PLCG2: variants seen among roughly 807,000 people sequenced by gnomAD.
The protein encoded by PLCG2 is 1-phosphatidylinositol 4,5-bisphosphate phosphodiesterase gamma-2.
Under a neutral mutation model 175.6 loss-of-function variants are expected in PLCG2, and 69 were observed. The ratio of observed to expected loss-of-function variants is 0.39; its 90% confidence interval spans 0.32 to 0.48. PLCG2 has a LOEUF of 0.48. PLCG2 is among the 20% of genes least tolerant of loss of function. The pLI, the probability that PLCG2 is intolerant of heterozygous loss-of-function variation, is 0.91. For synonymous variants in PLCG2, 827 were observed against 624.0 expected (o/e 1.33, Z -4.85); for missense variants, 1,798 against 1,650.9 (o/e 1.09, Z -1.54).
chr16:81,746,763 C>T (rs940385881), intron 1 of PLCG2, among the ~76,000 whole-genome samples: 7 of 152,174 alleles, frequency 4.6e-5, no homozygotes, highest in Non-Finnish European at 7.3e-5. Flanking sequence ...GGCTTGATAA[C>T]GTCAATCAGG....
intron 25 of PLCG2, among the ~76,000 whole-genome samples, chr16:81,932,787 G>T (rs1760069939): frequency 6.6e-6 from 1 of 152,186 alleles, no homozygotes; most frequent in Admixed American, 6.5e-5. Flanking sequence ...GAACTCCTGG[G>T]GGCCTTCCCT....
chr16:81,847,185 T>G lies in PLCG2; in HGVS notation c.194-7259T>G, dbSNP rs1597352120. On this transcript the variant is annotated intron_variant, in intron 2 of 32. Coordinates refer to ENST00000564138, the MANE Select transcript of PLCG2 (RefSeq NM_002661.5). The stretch of plus-strand genomic sequence containing the variant: ...TAAGGGAAACATGTATACCAGTTTA[T>G]TAAAATGATATTACAAAAGATAAAG... Among the ~76,000 whole-genome samples, 2 of 152,318 alleles carry G rather than the reference T, an allele frequency of 1.3e-5. 1 individual carries two copies. Among genetic ancestry groups the G allele is most frequent in the South Asian group, 4.1e-4 (2 of 4,826 alleles).
intron 18 of PLCG2, among the ~76,000 whole-genome samples, 185 bp downstream of exon 18, chr16:81,910,905 C>G (rs567161977): frequency 6.6e-6 from 1 of 152,352 alleles, no homozygotes; most frequent in African/African-American, 2.4e-5. Context: ...GTGTCCTTTT[C>G]TCTTTTCTTT....
At chr16:81,943,824 A>G (rs1911048957) in intron 30 of PLCG2, among the ~76,000 whole-genome samples, 1 of 152,236 alleles carries the variant, frequency 6.6e-6, no homozygotes, top group Non-Finnish European at 1.5e-5. Flanking sequence ...AGTATATTCA[A>G]TGAGAGCAAT....
intron 7 of PLCG2, among the ~76,000 whole-genome samples, chr16:81,875,150 A>G (rs974232984): frequency 6.6e-5 from 10 of 151,238 alleles, no homozygotes; most frequent in South Asian, 4.2e-4. Flanking sequence ...TTTTAATTGA[A>G]ACGGGGTTTC....
chr16:81,771,972 G>A (rs556613694), intron 2 of PLCG2, among the ~76,000 whole-genome samples: 5 of 152,110 alleles, frequency 3.3e-5, no homozygotes, highest in Middle Eastern at 3.4e-3. Context: ...TAGTAGAGAC[G>A]GGGTTTCACC....
intron 1 of PLCG2, among the ~76,000 whole-genome samples, chr16:81,743,129 T>C (rs1909630759): frequency 6.6e-6 from 1 of 152,106 alleles, no homozygotes; most frequent in South Asian, 2.1e-4. Flanking sequence ...AGTGAGTCTC[T>C]GTCTCTACTA....
chr16:81,878,681 T>G (rs1597369310), intron 7 of PLCG2, among the ~76,000 whole-genome samples: 1 of 152,178 alleles, frequency 6.6e-6, no homozygotes, highest in South Asian at 2.1e-4. Flanking sequence ...CACCTCCATG[T>G]GTTGCGAATC....
At chr16:81,894,542 C>G (rs905497023) in intron 12 of PLCG2, among the ~76,000 whole-genome samples, 1 of 152,162 alleles carries the variant, frequency 6.6e-6, no homozygotes, top group Non-Finnish European at 1.5e-5. Context: ...TCCGGCCTCT[C>G]TCTCACCAAA....
At position 81,867,816 on chromosome 16, in the gene PLCG2, G is replaced by C. The variant is rs1907318207; in HGVS notation, c.480-1398G>C. 1.3e-5 allele frequency among the ~76,000 whole-genome samples: 2 copies of C among 152,074 alleles called. 1 individual carries two copies. Among genetic ancestry groups the C allele is most frequent in the African/African-American group, 4.8e-5 (2 of 41,426 alleles). ...GAATTCACGCCATTCTTCTGCCTCAGCCTCCTGAGTAGCTGGGACTACAGG... is the reference window on the plus strand; with the variant it reads ...GAATTCACGCCATTCTTCTGCCTCACCCTCCTGAGTAGCTGGGACTACAGG... On this transcript the variant is annotated intron_variant, in intron 5 of 32. Transcript: ENST00000564138.
chr16:81,821,176 G>A (rs972045561), intron 2 of PLCG2, among the ~76,000 whole-genome samples: 5 of 152,374 alleles, frequency 3.3e-5, no homozygotes, highest in South Asian at 2.1e-4. Context: ...ACAGGCGTGC[G>A]TGAGCCGCCG....
At chr16:81,937,941 C>A in intron 28 of PLCG2, 38 bp downstream of exon 28, 3 of 1,607,948 alleles carry the variant, frequency 1.9e-6, no homozygotes, top group Non-Finnish European at 2.6e-6. Flanking sequence ...GGGAGCCAGC[C>A]GCCCTCCCTG....
intron 3 of PLCG2, among the ~76,000 whole-genome samples, chr16:81,857,779 G>A (rs1242381295): frequency 6.6e-6 from 1 of 152,196 alleles, no homozygotes; most frequent in African/African-American, 2.4e-5. Context: ...CAAATATTCA[G>A]TCTGTAATGG....
chr16:81,854,713 T>C, intron 3 of PLCG2, 126 bp downstream of exon 3: 1 of 837,270 alleles, frequency 1.2e-6, no homozygotes, highest in Non-Finnish European at 1.9e-6. Flanking sequence ...TGGTTTTGAA[T>C]CCCAGCCCTG....
In PLCG2 at chr16:81,940,007, C is replaced by T. The variant is rs373377275; in HGVS notation, c.3429C>T (p.Ser1143=). ...RFVVYEEDMF[S]DPNFLAHATY... ...TGGTTTATGAAGAAGATATGTTCAG[C>T]GATCCCAACTTTCTTGCTCATGCCA... Residue 1143 remains serine (S), a synonymous_variant, in exon 30 of 33, where the codon AGC becomes AGT. Transcript: ENST00000564138. 83 of 1,613,870 alleles carry T rather than the reference C, an allele frequency of 5.1e-5. No individual in the cohort carries two copies. Among genetic ancestry groups the T allele is most frequent in the Non-Finnish European group, 6.3e-5 (74 of 1,179,854 alleles).
intron 14 of PLCG2, among the ~76,000 whole-genome samples, chr16:81,903,836 G>T (rs558537118): frequency 6.6e-6 from 1 of 152,262 alleles, no homozygotes; most frequent in African/African-American, 2.4e-5. Flanking sequence ...AGTACTGAAG[G>T]CCCCTTTTAG....
intron 2 of PLCG2, among the ~76,000 whole-genome samples, chr16:81,760,660 C>G (rs1304261516): frequency 6.6e-6 from 1 of 151,628 alleles, no homozygotes. Context: ...CCTATAATCC[C>G]AACCCTTTGG....
In PLCG2 at chr16:81,962,627, A is replaced by G. The variant is rs562820057; in HGVS notation, c.*4629A>G. 2.7e-5 allele frequency: 6 copies of G among 223,120 alleles called. No individual in the cohort carries two copies. The South Asian group carries it at 1.1e-3, about 41-fold the overall frequency. The allele number at this position is 223,120 out of a possible 1,614,324, so 13.8% of individuals were successfully genotyped here. ...AGTCACACAGATGTTGGCTGTTGTT[A>G]ATGTGAAAATTAAACAGCTGTATCA... On this transcript the variant is annotated 3_prime_UTR_variant, in exon 33 of 33. Transcript: ENST00000564138.
intron 6 of PLCG2, among the ~76,000 whole-genome samples, chr16:81,869,951 C>T (rs1209139141): frequency 6.6e-6 from 1 of 152,092 alleles, no homozygotes; most frequent in Non-Finnish European, 1.5e-5. Context: ...CCAAACAGCC[C>T]CAGTTGGAGG....
Sources: allele counts gnomAD v4.1 joint callset (sites outside exome capture counted in the v4.1 genomes callset), GRCh38; gene constraint gnomAD v4.1.1; transcripts MANE v1.5; gene names NCBI Gene and HGNC (gene_info 2026-07-23, HGNC 2026-07-21).